SKAP1: variants seen among roughly 807,000 people sequenced by gnomAD.
SKAP1 encodes the protein src kinase associated phosphoprotein 1.
SKAP1 carries 44 observed loss-of-function variants against 58.5 expected under a neutral mutation model. The ratio of observed to expected loss-of-function variants is 0.75; its 90% CI spans 0.59 to 0.97. The LOEUF is 0.97. Among genes scored for constraint, SKAP1 ranks in the 50% least tolerant of loss-of-function variants. SKAP1 has a pLI of 0.00. For synonymous variants in SKAP1, 127 were observed against 149.7 expected (o/e 0.85, Z 1.11); for missense variants, 390 against 435.2 (o/e 0.90, Z 0.92).
At chr17:48,325,874 C>A (rs751376190) in intron 4 of SKAP1, among the ~76,000 whole-genome samples, 2 of 152,166 alleles carry the variant, frequency 1.3e-5, no homozygotes, top group Non-Finnish European at 2.9e-5. Context: ...TGACCTTCTT[C>A]TATTTCAGAA....
intron 2 of SKAP1, among the ~76,000 whole-genome samples, chr17:48,379,910 C>T (rs1391627889): frequency 6.6e-6 from 1 of 152,126 alleles, no homozygotes; most frequent in South Asian, 2.1e-4. Flanking sequence ...TCTCGAACAC[C>T]TGACCTCGTC....
rs2064350598 is a variant in SKAP1, at chr17:48,180,248, T to A, written c.632A>T (p.Asp211Val). The change falls in exon 9 of 13, where the codon GAT becomes GTT. Residue 211 changes from aspartate (D) to valine (V), a missense_variant and splice_region_variant. By Grantham distance (152) the Asp-to-Val change is radical. Coordinates refer to ENST00000336915, the MANE Select transcript of SKAP1 (RefSeq NM_003726.4). ...WVDQISFLLK[D>V]LSSLTIPYEE... Reference sequence around the variant, plus strand: ...ATATGGAATGGTTAAGGAGCTCAGATCTAACAAGGCAAAGATGAGAATGAA... The same window carrying A: ...ATATGGAATGGTTAAGGAGCTCAGAACTAACAAGGCAAAGATGAGAATGAA... 6.4e-6 allele frequency: 10 copies of A among 1,561,522 alleles called. No individual in the cohort carries two copies. In the East Asian group the frequency reaches 2.3e-4, roughly 37 times the overall value.
chr17:48,256,872 G>C (rs889464860), intron 4 of SKAP1, among the ~76,000 whole-genome samples: 1 of 152,044 alleles, frequency 6.6e-6, no homozygotes, highest in African/African-American at 2.4e-5. Context: ...ATGGAGGGGA[G>C]AGTGGCCACA....
At chr17:48,210,448 G>T (rs1261034224) in intron 4 of SKAP1, among the ~76,000 whole-genome samples, 1 of 152,132 alleles carries the variant, frequency 6.6e-6, no homozygotes, top group Admixed American at 6.5e-5. Context: ...TTGTATGTTA[G>T]GTCCTTATCA....
chr17:48,347,824 A>G (rs1383760626), intron 3 of SKAP1, among the ~76,000 whole-genome samples: 1 of 151,758 alleles, frequency 6.6e-6, no homozygotes, highest in Non-Finnish European at 1.5e-5. Flanking sequence ...TATTATCAAC[A>G]CAATCTAAAT....
upstream of SKAP1, among the ~76,000 whole-genome samples, chr17:48,432,206 G>A (rs779476446): frequency 3.0e-4 from 46 of 152,148 alleles, no homozygotes; most frequent in Non-Finnish European, 5.6e-4. Flanking sequence ...CAAGGCAGGC[G>A]GATCACGAGG....
At chr17:48,229,075 G>C (rs998061697) in intron 4 of SKAP1, among the ~76,000 whole-genome samples, 1 of 151,984 alleles carries the variant, frequency 6.6e-6, no homozygotes, top group Non-Finnish European at 1.5e-5. Flanking sequence ...CATCCCTGAG[G>C]GTGAGGTCTG....
rs1277090542 is a variant in SKAP1 at position 48,184,742 on chromosome 17, T to C, written c.548A>G (p.Gln183Arg). ...TCCTACCTCATAGCTGCGCCTATCC[T>C]GGGAGGTCAGTTCAAAGCAGGATTC... ...KKESCFELTS[Q>R]DRRSYEFTAT... Residue 183 changes from glutamine to arginine, a missense_variant, in exon 7 of 13, where the codon CAG (glutamine) becomes CGG (arginine). Gln to Arg is a conservative substitution (Grantham distance 43). Coordinates refer to ENST00000336915, the MANE Select transcript of SKAP1 (RefSeq NM_003726.4). 6.2e-7 allele frequency: 1 copy of C among 1,614,072 alleles called. No homozygotes were observed. Among genetic ancestry groups the C allele is most frequent in the Admixed American group, 1.7e-5 (1 of 60,022 alleles).
At chr17:48,213,291 A>C (rs1163119445) in intron 4 of SKAP1, among the ~76,000 whole-genome samples, 1 of 146,510 alleles carries the variant, frequency 6.8e-6, no homozygotes, top group Non-Finnish European at 1.5e-5. Flanking sequence ...CGGAGGTTGC[A>C]GTGAGCCGAG....
At chr17:48,424,221 CTTTT>C (rs71366876) in intron 1 of SKAP1, among the ~76,000 whole-genome samples, 2 of 106,676 alleles carry the variant, frequency 1.9e-5, no homozygotes. Context: ...TCTGGGACCT[CTTTT>C]TTTTTTTTTT....
At chr17:48,370,995 G>GA (rs2067077147) in intron 2 of SKAP1, among the ~76,000 whole-genome samples, 1 of 152,150 alleles carries the variant, frequency 6.6e-6, no homozygotes, top group African/African-American at 2.4e-5. Flanking sequence ...GGATGCAGCT[G>GA]GAGGCCATTA....
intron 4 of SKAP1, among the ~76,000 whole-genome samples, chr17:48,334,832 A>G (rs1049891849): frequency 6.6e-6 from 1 of 151,906 alleles, no homozygotes; most frequent in Non-Finnish European, 1.5e-5. Context: ...AATACTAAAA[A>G]TTAATATTAA....
intron 1 of SKAP1, among the ~76,000 whole-genome samples, chr17:48,420,864 C>T (rs1250140380): frequency 2.6e-5 from 4 of 152,180 alleles, no homozygotes; most frequent in Non-Finnish European, 4.4e-5. Flanking sequence ...GCATCCTTAG[C>T]TTCTACCCAC....
At chr17:48,406,462 G>A (rs1322638419) in intron 1 of SKAP1, among the ~76,000 whole-genome samples, 1 of 150,186 alleles carries the variant, frequency 6.7e-6, no homozygotes, top group Non-Finnish European at 1.5e-5. Context: ...GGAGTGCAGT[G>A]GCACAATCAC....
chr17:48,143,058 C>T (rs1333838096), intron 11 of SKAP1, among the ~76,000 whole-genome samples: 2 of 150,170 alleles, frequency 1.3e-5, no homozygotes, highest in Non-Finnish European at 3.0e-5. Flanking sequence ...TTCAAGCAAT[C>T]CTCCTGCTTG....
rs563149197 is a variant in SKAP1 at position 48,247,826 on chromosome 17, C to T, written c.281-58326G>A. 9.9e-5 allele frequency among the ~76,000 whole-genome samples: 15 copies of T among 152,232 alleles called. No homozygotes were observed. The East Asian group carries it at 2.9e-3, about 29-fold the overall frequency. ...TCCTGGAATCTCTCTTCATGAATTT[C>T]CTGGAAAGAGGAAAGCAGAAGAAAG... On this transcript the variant is annotated intron_variant, in intron 4 of 12. Coordinates refer to ENST00000336915, the MANE Select transcript of SKAP1 (RefSeq NM_003726.4).
At position 48,364,046 on chromosome 17, in the gene SKAP1, T is replaced by C. The variant is rs138435131; in HGVS notation, c.153-232A>G. Among the ~76,000 whole-genome samples, 364 of 152,330 alleles carry C rather than the reference T, an allele frequency of 2.4e-3. 6 individuals carry two copies. The highest frequency in any genetic ancestry group is 8.3e-3 in the African/African-American group (347 of 41,570). ...GAAATTCCTCACGTAATTTTGACTTTAGAGCTGGAAAGGTCCTAAAAGGGA... is the reference window on the plus strand; with the variant it reads ...GAAATTCCTCACGTAATTTTGACTTCAGAGCTGGAAAGGTCCTAAAAGGGA... On this transcript the variant is annotated intron_variant, in intron 2 of 12. Transcript: ENST00000336915.
intron 3 of SKAP1, among the ~76,000 whole-genome samples, chr17:48,358,553 A>G (rs2066903175): frequency 6.6e-6 from 1 of 152,208 alleles, no homozygotes; most frequent in Admixed American, 6.5e-5. Context: ...GCTACCACCA[A>G]TAAAAATGCT....
At chr17:48,413,523 A>AAAAAAAAAAAAAAAAAAAAAAAATAT in intron 1 of SKAP1, among the ~76,000 whole-genome samples, 1 of 105,452 alleles carries the variant, frequency 9.5e-6, no homozygotes, top group Non-Finnish European at 1.9e-5. Flanking sequence ...TCAAAAAAAA[A>AAAAAAAAAAAAAAAAAAAAAAAATAT]ATATATATAT....
Sources: allele counts gnomAD v4.1 joint callset (sites outside exome capture counted in the v4.1 genomes callset), GRCh38; gene constraint gnomAD v4.1.1; transcripts MANE v1.5; gene names NCBI Gene and HGNC (gene_info 2026-07-23, HGNC 2026-07-21).